RPS6KA4: variants seen among roughly 807,000 people sequenced by gnomAD.
The protein encoded by RPS6KA4 is ribosomal protein S6 kinase A4, also known as ribosomal protein S6 kinase alpha-4.
A neutral mutation model predicts 89.6 loss-of-function variants in RPS6KA4; 38 were observed. That is an observed-to-expected ratio of 0.42 (90% CI 0.33 to 0.56). The LOEUF (loss-of-function observed/expected upper bound fraction) is 0.56, where lower values mean the gene tolerates loss of function less well. Among genes scored for constraint, RPS6KA4 ranks in the 20% least tolerant of loss-of-function variants. The pLI is 0.07. For synonymous variants in RPS6KA4, 495 were observed against 492.8 expected (o/e 1.00, Z -0.06); for missense variants, 873 against 1,098.8 (o/e 0.79, Z 2.90).
rs778915574 is a variant in RPS6KA4, at chr11:64,369,626, G to A, written c.1602+7G>A. ...CCGCGACCTCAAGCCGGAGGTGGGC[G>A]AGCTGCCTCGGCGGCGGGGCGGAGC... On this transcript the variant is annotated splice_region_variant and intron_variant, in intron 13 of 16. Transcript: ENST00000334205. The A allele has an allele frequency of 6.2e-7, 1 of 1,602,850 alleles. No homozygotes were observed. The highest frequency in any genetic ancestry group is 2.3e-5 in the East Asian group (1 of 44,432).
rs759897933 is a variant in RPS6KA4, at chr11:64,369,442, G to A, written c.1429-4G>A. On this transcript the variant is annotated splice_polypyrimidine_tract_variant and splice_region_variant and intron_variant, in intron 12 of 16. Coordinates refer to ENST00000334205, the MANE Select transcript of RPS6KA4 (RefSeq NM_003942.3). ...TTGACCTTGGCCCGCCACGCCGCCC[G>A]CAGCTGCACACGTACCTGGTCCTGG... is the stretch of plus-strand genomic sequence containing the variant. The A allele has an allele frequency of 1.9e-6, 3 of 1,591,668 alleles. No homozygotes were observed. Among genetic ancestry groups the A allele is most frequent in the Non-Finnish European group, 2.6e-6 (3 of 1,171,208 alleles).
chr11:64,369,015 G>C (rs2135344283), intron 12 of RPS6KA4, among the ~76,000 whole-genome samples: 1 of 152,304 alleles, frequency 6.6e-6, no homozygotes, highest in East Asian at 1.9e-4. Flanking sequence ...ACTTTGGCCG[G>C]GCGCGATGGC....
At chr11:64,368,939 A>G (rs552147664) in intron 12 of RPS6KA4, 142 bp downstream of exon 12, 2 of 785,690 alleles carry the variant, frequency 2.5e-6, no homozygotes, top group Non-Finnish European at 4.0e-6. Flanking sequence ...AGGCGCAGGG[A>G]GTGGAATTTG....
Position 64,371,334 on chromosome 11 carries a change from G to A in RPS6KA4, c.2173G>A (p.Ala725Thr), listed in dbSNP as rs762637985. Residue 725 changes from alanine to threonine, a missense_variant, in exon 17 of 17, where the codon GCA becomes ACA. Physicochemically the swap from Ala to Thr is moderately conservative, Grantham distance 58. Coordinates refer to ENST00000334205, the MANE Select transcript of RPS6KA4 (RefSeq NM_003942.3). Reference sequence around the variant, plus strand: ...CTTCTTCCTGAAGAGCGTGGAGAATGCACCCCTGGCCAAGCGGCGGAAGCA... The same window carrying A: ...CTTCTTCCTGAAGAGCGTGGAGAATACACCCCTGGCCAAGCGGCGGAAGCA... ...EGFFLKSVEN[A>T]PLAKRRKQKL... The A allele has an allele frequency of 1.2e-6, 2 of 1,612,872 alleles. No individual in the cohort carries two copies. The highest frequency in any genetic ancestry group is 1.7e-6 in the Non-Finnish European group (2 of 1,179,932).
chr11:64,366,746 T>C (rs1642990691), intron 9 of RPS6KA4, among the ~76,000 whole-genome samples: 2 of 152,248 alleles, frequency 1.3e-5, no homozygotes, highest in Non-Finnish European at 2.9e-5. Flanking sequence ...CCTTGTCTGC[T>C]CACCTGGCCC....
Position 64,370,650 on chromosome 11 carries a change from C to T in RPS6KA4, c.2045C>T (p.Ser682Leu). The T allele has an allele frequency of 6.4e-7, 1 of 1,571,746 alleles. No homozygotes were observed. ...CTGCAGGACGGCAGCGCGCGCTCCT[C>T]GCCCCCGCTCCGGACGCCCGACGTG... ...SWLQDGSARS[S>L]PPLRTPDVLE... The change falls in exon 16 of 17, where the codon TCG becomes TTG. Residue 682 changes from serine to leucine, a missense_variant. Physicochemically the swap from Ser to Leu is moderately radical, Grantham distance 145. Around this residue, in one of 4 missense-constraint regions of RPS6KA4, gnomAD observed 278 missense variants for 284.8 expected, o/e 0.98. Coordinates refer to ENST00000334205, the MANE Select transcript of RPS6KA4 (RefSeq NM_003942.3). This position sits in a 1 kb window ranked among gnomAD's most constrained non-coding sequence, Gnocchi z 4.1.
chr11:64,365,217 G>GAACT, intron 8 of RPS6KA4, 84 bp from the exon 9 acceptor site: 2 of 1,489,560 alleles, frequency 1.3e-6, no homozygotes, highest in Non-Finnish European at 1.8e-6. Flanking sequence ...CCTCATGGAG[G>GAACT]AACTGCCCAG....
chr11:64,368,178 C>A lies in RPS6KA4; in HGVS notation c.1118C>A (p.Ala373Glu). ...APSILFDHNN[A>E]VMTDGLEAPG... ...TCCATTCTCTTTGACCACAACAACG[C>A]GGTGATGACCGATGGGCTGGAAGCG... The change falls in exon 10 of 17, where the codon GCG (alanine) becomes GAG (glutamate). Residue 373 changes from alanine (A) to glutamate (E), a missense_variant. Transcript: ENST00000334205. The A allele has an allele frequency of 2.5e-6, 4 of 1,613,694 alleles. No individual in the cohort carries two copies. Among genetic ancestry groups the A allele is most frequent in the Non-Finnish European group, 3.4e-6 (4 of 1,180,016 alleles).
chr11:64,361,983 G>A lies in RPS6KA4; in HGVS notation c.887G>A (p.Arg296Gln), dbSNP rs200299338. The change falls in exon 8 of 17, where the codon CGG becomes CAG. Residue 296 changes from arginine to glutamine, a missense_variant. Physicochemically the swap from Arg to Gln is conservative, Grantham distance 43 (BLOSUM62 1). Coordinates refer to ENST00000334205, the MANE Select transcript of RPS6KA4 (RefSeq NM_003942.3). This position sits in a 1 kb window ranked among gnomAD's most constrained non-coding sequence, Gnocchi z 4.7. ...GAGPQGAQEVRNHPFFQGLDW... is the reference protein window; with the variant it reads ...GAGPQGAQEVQNHPFFQGLDW... ...GGGCCCCAGGGGGCACAAGAAGTCCGGAACCATCCCTTCTTCCAGGTGAGG... is the reference window on the plus strand; with the variant it reads ...GGGCCCCAGGGGGCACAAGAAGTCCAGAACCATCCCTTCTTCCAGGTGAGG... 4.1e-5 allele frequency: 66 copies of A among 1,610,200 alleles called. No individual in the cohort carries two copies. The highest frequency in any genetic ancestry group is 6.7e-5 in the East Asian group (3 of 44,788).
chr11:64,368,743 C>T lies in RPS6KA4; in HGVS notation c.1374C>T (p.Arg458=), dbSNP rs1301071738. ...ANTQREVAAL[R]LCQSHPNVVN... The stretch of plus-strand genomic sequence containing the variant: ...CGCAGCGCGAAGTGGCTGCCCTGCG[C>T]CTGTGCCAGTCACACCCCAACGTGG... The change falls in exon 12 of 17, where the codon CGC becomes CGT. Residue 458 remains arginine, a synonymous_variant. Coordinates refer to ENST00000334205, the MANE Select transcript of RPS6KA4 (RefSeq NM_003942.3). 3 of 1,574,870 alleles carry T rather than the reference C, an allele frequency of 1.9e-6. No homozygotes were observed. Among genetic ancestry groups the T allele is most frequent in the Admixed American group, 1.8e-5 (1 of 54,594 alleles).
rs2036750580 is a variant in RPS6KA4, at chr11:64,361,583, G to A, written c.651+34G>A. On this transcript the variant is annotated intron_variant, in intron 6 of 16. Transcript: ENST00000334205. This position sits in a 1 kb window ranked among gnomAD's most constrained non-coding sequence, Gnocchi z 4.7. The stretch of plus-strand genomic sequence containing the variant: ...GCAGGGAAGTGGGGCTGGGGGAGGT[G>A]GAAAGGTGGGGTGTGAGGCAGGGGA... 7 of 1,613,774 alleles carry A rather than the reference G, an allele frequency of 4.3e-6. No individual in the cohort carries two copies. The highest frequency in any genetic ancestry group is 1.7e-4 in the Middle Eastern group (1 of 6,058).
At chr11:64,365,206 G>T in intron 8 of RPS6KA4, 95 bp from the exon 9 acceptor site, 1 of 1,437,596 alleles carries the variant, frequency 7.0e-7, no homozygotes, top group Non-Finnish European at 9.5e-7. Flanking sequence ...ATGGGCCCTT[G>T]CCTCATGGAG....
Position 64,370,531 on chromosome 11 carries a change from C to G in RPS6KA4, c.1958-32C>G. ...TTTGGGGCTCAGCCTTTACGCCAGG[C>G]TCCTCCCCACACTTCCTTGCCCCGC... On this transcript the variant is annotated intron_variant, in intron 15 of 16. Transcript: ENST00000334205. The surrounding 1 kb of genome is among the most constrained non-coding windows in gnomAD (Gnocchi z 4.1). 1 of 1,588,392 alleles carries G rather than the reference C, an allele frequency of 6.3e-7. No individual in the cohort carries two copies. Among genetic ancestry groups the G allele is most frequent in the Non-Finnish European group, 8.5e-7 (1 of 1,170,704 alleles).
In RPS6KA4 at chr11:64,368,780, G is replaced by A. The variant is rs2036965058; in HGVS notation, c.1411G>A (p.Glu471Lys). The change falls in exon 12 of 17, where the codon GAG becomes AAG. Residue 471 changes from glutamate (E) to lysine (K), a missense_variant. By Grantham distance (56) the Glu-to-Lys change is moderately conservative (BLOSUM62 1). This residue lies in a region of RPS6KA4 where 542 missense variants were observed against 736.4 expected (regional missense o/e 0.74). Transcript: ENST00000334205. ...QSHPNVVNLH[E>K]VHHDQLHTYL... is the part of the protein sequence containing the mutation. ...ACACCCCAACGTGGTGAATCTGCAC[G>A]AGGTGCATCACGACCAGGTGATGGC... 1 of 1,569,172 alleles carries A rather than the reference G, an allele frequency of 6.4e-7. No homozygotes were observed. Among genetic ancestry groups the A allele is most frequent in the South Asian group, 1.2e-5 (1 of 85,650 alleles).
rs1260024144 is a variant in RPS6KA4, at chr11:64,371,293, G to T, written c.2132G>T (p.Arg711Leu). ...TTTCCTTTCTGCCAGGCATTCAACC[G>T]GGGCAAGCGGGAGGGCTTCTTCCTG... ...GLNATFMAFN[R>L]GKREGFFLKS... is the part of the protein sequence containing the mutation. The change falls in exon 17 of 17, where the codon CGG (arginine) becomes CTG (leucine). Residue 711 changes from arginine (R) to leucine (L), a missense_variant. By Grantham distance (102) the Arg-to-Leu change is moderately radical. This residue lies in a region of RPS6KA4 where 278 missense variants were observed against 284.8 expected (regional missense o/e 0.98). Coordinates refer to ENST00000334205, the MANE Select transcript of RPS6KA4 (RefSeq NM_003942.3). The T allele has an allele frequency of 1.2e-6, 2 of 1,612,508 alleles. No homozygotes were observed. The highest frequency in any genetic ancestry group is 1.7e-6 in the Non-Finnish European group (2 of 1,179,814).
Position 64,360,294 on chromosome 11 carries a change from T to G in RPS6KA4, c.259T>G (p.Ser87Ala). The part of the protein sequence containing the change: ...KTQEHTRTER[S>A]VLELVRQAPF... ...GCAAGAGCACACGCGCACCGAGCGC[T>G]CGGTGCTGGAGCTGGTGCGCCAGGC... Residue 87 changes from serine (S) to alanine (A), a missense_variant, in exon 3 of 17, where the codon TCG becomes GCG. By Grantham distance (99) the Ser-to-Ala change is moderately conservative. Coordinates refer to ENST00000334205, the MANE Select transcript of RPS6KA4 (RefSeq NM_003942.3). The G allele has an allele frequency of 1.9e-6, 3 of 1,547,998 alleles. No homozygotes were observed. In the South Asian group the frequency reaches 3.6e-5, roughly 18 times the overall value.
chr11:64,365,258 G>A (rs755638052), intron 8 of RPS6KA4, 43 bp from the exon 9 acceptor site: 11 of 1,589,668 alleles, frequency 6.9e-6, no homozygotes, highest in South Asian at 2.2e-5. Context: ...GGAGTTTCTC[G>A]TTCCTGGCCT....
Position 64,371,643 on chromosome 11 carries a change from A to G in RPS6KA4, c.*163A>G, listed in dbSNP as rs766904141. 41 of 522,354 alleles carry G rather than the reference A, an allele frequency of 7.8e-5. No individual in the cohort carries two copies. The highest frequency in any genetic ancestry group is 2.4e-5 in the Non-Finnish European group (7 of 296,638). 32.4% of individuals were successfully genotyped at this position (522,354 alleles called of 1,614,324 possible). On this transcript the variant is annotated 3_prime_UTR_variant, in exon 17 of 17. Coordinates refer to ENST00000334205, the MANE Select transcript of RPS6KA4 (RefSeq NM_003942.3). Reference sequence around the variant, plus strand: ...AGAGCAGAAGTATTTTTATAAGCAGAGAATTTTTTATGTCTTACCAGATAG... The same window carrying G: ...AGAGCAGAAGTATTTTTATAAGCAGGGAATTTTTTATGTCTTACCAGATAG...
In RPS6KA4 at chr11:64,369,854, C is replaced by T. The variant is rs150213699; in HGVS notation, c.1758C>T (p.Tyr586=). The T allele has an allele frequency of 9.5e-6, 15 of 1,572,596 alleles. No individual in the cohort carries two copies. Among genetic ancestry groups the T allele is most frequent in the Non-Finnish European group, 1.2e-5 (14 of 1,160,096 alleles). The change falls in exon 14 of 17, where the codon TAC becomes TAT. Residue 586 remains tyrosine (Y), a synonymous_variant. Transcript: ENST00000334205. ...AAPELLAQQG[Y]DESCDLWSLG... ...CCGAGCTGCTGGCGCAGCAGGGCTA[C>T]GACGAGTCCTGCGACCTCTGGAGCC... is the stretch of plus-strand genomic sequence containing the variant.
Sources: allele counts gnomAD v4.1 joint callset (sites outside exome capture counted in the v4.1 genomes callset), GRCh38; gene constraint gnomAD v4.1.1; regional missense constraint gnomAD v4.1.1; non-coding constraint Gnocchi (gnomAD v3.1); transcripts MANE v1.5; gene names NCBI Gene and HGNC (gene_info 2026-07-23, HGNC 2026-07-21).